Variants in LYPLA1 observed in about 807,000 individuals in gnomAD.
The protein encoded by LYPLA1 is acyl-protein thioesterase 1.
In LYPLA1, 17 loss-of-function variants were observed where a neutral mutation model predicts 34.0. The observed-to-expected ratio is 0.50, with a 90% CI of 0.34 to 0.75. LYPLA1 has a LOEUF of 0.75. Among genes scored for constraint, LYPLA1 ranks in the 30% least tolerant of loss-of-function variants. LYPLA1 has a pLI of 0.01. For synonymous variants in LYPLA1, 98 were observed against 100.8 expected, an observed-to-expected ratio of 0.97 and a Z score of 0.17; for missense variants, 203 against 288.8, an observed-to-expected ratio of 0.70 and a Z score of 2.15.
intron 2 of LYPLA1, among the ~76,000 whole-genome samples, chr8:54,091,519 A>G (rs1809250867): frequency 8.6e-6 from 1 of 116,132 alleles, no homozygotes; most frequent in Non-Finnish European, 1.6e-5. Flanking sequence ...GAAAGGAAAG[A>G]AAAAGAAAAG....
chr8:54,094,910 AT>A (rs1372803963), intron 2 of LYPLA1, among the ~76,000 whole-genome samples: 1 of 152,242 alleles, frequency 6.6e-6, no homozygotes, highest in Non-Finnish European at 1.5e-5. Context: ...TACAATAGGA[AT>A]CCAAGAGTCT....
intron 2 of LYPLA1, chr8:54,073,667 C>A: frequency 2.5e-6 from 1 of 400,170 alleles, no homozygotes. Context: ...GAAAGATGAC[C>A]ATTTGTTAGT....
intron 3 of LYPLA1, among the ~76,000 whole-genome samples, chr8:54,064,381 C>T (rs528907197): frequency 9.2e-5 from 14 of 152,122 alleles, no homozygotes; most frequent in African/African-American, 2.7e-4. Flanking sequence ...TATGCCACTG[C>T]ACTCCATCTT....
At chr8:54,100,773 C>T (rs1810070430) in intron 2 of LYPLA1, 135 bp downstream of exon 2, 3 of 698,204 alleles carry the variant, frequency 4.3e-6, no homozygotes, top group South Asian at 1.7e-5. Flanking sequence ...ATAAAATCAC[C>T]GCACTGTAAG....
At chr8:54,056,207 C>T (rs1806197161) in intron 5 of LYPLA1, among the ~76,000 whole-genome samples, 3 of 152,104 alleles carry the variant, frequency 2.0e-5, no homozygotes, top group South Asian at 2.1e-4. Flanking sequence ...AAAAGACAGT[C>T]TCTTCAATAA....
At chr8:54,063,770 AT>A (rs1181140964) in intron 3 of LYPLA1, among the ~76,000 whole-genome samples, 1 of 152,230 alleles carries the variant, frequency 6.6e-6, no homozygotes, top group Non-Finnish European at 1.5e-5. Flanking sequence ...CAATTCTCAT[AT>A]GCTCAGATTA....
intron 7 of LYPLA1, among the ~76,000 whole-genome samples, chr8:54,052,108 C>A (rs1031422340): frequency 6.6e-6 from 1 of 152,084 alleles, no homozygotes; most frequent in Non-Finnish European, 1.5e-5. Flanking sequence ...GCCTCAGCCT[C>A]CCAAAGTGCT....
intron 2 of LYPLA1, among the ~76,000 whole-genome samples, chr8:54,099,587 A>C (rs1321331634): frequency 6.6e-6 from 1 of 152,182 alleles, no homozygotes; most frequent in Non-Finnish European, 1.5e-5. Context: ...CCAGGAACCC[A>C]GAAGGTGGAG....
intron 7 of LYPLA1, 148 bp downstream of exon 7, chr8:54,052,507 A>G: frequency 1.7e-6 from 1 of 590,944 alleles, no homozygotes; most frequent in Non-Finnish European, 3.0e-6. Flanking sequence ...GTAACTCTGT[A>G]CCTTCTGCTC....
Position 54,065,928 on chromosome 8 carries a change from T to C in LYPLA1, c.102-115A>G, listed in dbSNP as rs998171253. ...AGATAAATGTTAAATCCTAAAAATA[T>C]GGTTTTTTTTTGTTTGTTTGTTTTT... On this transcript the variant is annotated intron_variant, in intron 2 of 8. Transcript: ENST00000316963. 33 of 725,786 alleles carry C rather than the reference T, an allele frequency of 4.5e-5. No individual in the cohort carries two copies. In the African/African-American group the frequency reaches 4.7e-4, roughly 10 times the overall value. 45.0% of individuals were successfully genotyped at this position (725,786 alleles called of 1,614,324 possible).
rs190197336 is a variant in LYPLA1, at chr8:54,081,889, C to T, written c.102-16076G>A. ...CGATTACAGGCATGTGCCACCACACCTGGCTAATTTTTGTATTTTTAGTAG... is the reference window on the plus strand; with the variant it reads ...CGATTACAGGCATGTGCCACCACACTTGGCTAATTTTTGTATTTTTAGTAG... On this transcript the variant is annotated intron_variant, in intron 2 of 8. Transcript: ENST00000316963. Among the ~76,000 whole-genome samples the T allele has an allele frequency of 4.8e-3, 734 of 152,206 alleles. 3 individuals carry two copies. The highest frequency in any genetic ancestry group is 0.016 in the African/African-American group (649 of 41,532).
chr8:54,061,909 G>T (rs374122376), intron 5 of LYPLA1, among the ~76,000 whole-genome samples: 1 of 152,094 alleles, frequency 6.6e-6, no homozygotes, highest in South Asian at 2.1e-4. Flanking sequence ...AGGCTGGAGC[G>T]CAGTGGGGCG....
intron 2 of LYPLA1, among the ~76,000 whole-genome samples, chr8:54,085,215 T>C (rs1047096728): frequency 6.6e-6 from 1 of 152,262 alleles, no homozygotes; most frequent in Non-Finnish European, 1.5e-5. Context: ...CTCCAGCTCC[T>C]GACCGCGAGT....
downstream of LYPLA1, among the ~76,000 whole-genome samples, chr8:54,045,888 C>T (rs954003280): frequency 1.3e-5 from 2 of 152,134 alleles, no homozygotes; most frequent in African/African-American, 2.4e-5. Flanking sequence ...TGGCAAAACC[C>T]TGTCTCTACT....
rs576505815 is a variant in LYPLA1 at position 54,089,728 on chromosome 8, A to AT, written c.101+11179dup. Among the ~76,000 whole-genome samples, 697 of 151,738 alleles carry AT rather than the reference A, an allele frequency of 4.6e-3. 8 individuals carry two copies. Among genetic ancestry groups the AT allele is most frequent in the South Asian group, 8.8e-3 (42 of 4,798 alleles). On this transcript the variant is annotated intron_variant, in intron 2 of 8. Coordinates refer to ENST00000316963, the MANE Select transcript of LYPLA1 (RefSeq NM_006330.4). Reference sequence around the variant, plus strand: ...AGCCTCGACCTCCCAGGCTCAGGCGATCCTCCCACCTCAGCCTCCTAAGTA... The same window carrying AT: ...AGCCTCGACCTCCCAGGCTCAGGCGATTCCTCCCACCTCAGCCTCCTAAGTA...
At chr8:54,085,073 G>A (rs897324702) in intron 2 of LYPLA1, among the ~76,000 whole-genome samples, 29 of 152,166 alleles carry the variant, frequency 1.9e-4, no homozygotes, top group East Asian at 7.7e-4. Context: ...CTGTACTGCC[G>A]CCATCTCGGC....
chr8:54,066,070 G>A (rs572867840), intron 2 of LYPLA1, among the ~76,000 whole-genome samples: 39 of 152,162 alleles, frequency 2.6e-4, no homozygotes, highest in East Asian at 5.8e-4. Flanking sequence ...CCAAGTAGCC[G>A]GGACTACAGG....
At chr8:54,083,963 C>A (rs1226981821) in intron 2 of LYPLA1, among the ~76,000 whole-genome samples, 1 of 150,720 alleles carries the variant, frequency 6.6e-6, no homozygotes, top group East Asian at 2.0e-4. Context: ...TGTGGTGAAA[C>A]CCTGTTTCTA....
intron 2 of LYPLA1, among the ~76,000 whole-genome samples, chr8:54,071,460 T>A (rs1390023988): frequency 6.6e-6 from 1 of 152,084 alleles, no homozygotes; most frequent in African/African-American, 2.4e-5. Context: ...AAAAGACTCA[T>A]CTATATATAC....
Sources: gnomAD v4.1 joint callset for allele counts (sites outside exome capture counted in the v4.1 genomes callset) on GRCh38, gnomAD v4.1.1 for gene constraint, MANE v1.5 for transcripts, NCBI Gene and HGNC (gene_info 2026-07-23, HGNC 2026-07-21) for gene names.